PFKFB1: variants seen among roughly 807,000 people sequenced by gnomAD.
PFKFB1 encodes the protein 6-phosphofructo-2-kinase/fructose-2,6-biphosphatase 1, also known as 6-phosphofructo-2-kinase/fructose-2,6-bisphosphatase 1.
Under a neutral mutation model 46.4 loss-of-function variants are expected in PFKFB1, and 34 were observed. The ratio of observed to expected loss-of-function variants is 0.73; its 90% CI spans 0.56 to 0.98. PFKFB1 has a LOEUF of 0.98. Ranked by LOEUF, PFKFB1 falls within the 50% of genes least tolerant of loss-of-function variation. The pLI, the probability that PFKFB1 is intolerant of heterozygous loss-of-function variation, is 0.00. For missense variants in PFKFB1, 393 were observed against 376.3 expected (o/e 1.04, Z -0.37); for synonymous variants, 119 against 133.8 (o/e 0.89, Z 0.76).
chrX:54,989,315 A>G lies in PFKFB1; in HGVS notation c.97+4596T>C, dbSNP rs192254366. Reference sequence around the variant, plus strand: ...TAAATAAAGCTAATGTAGGTATATTAATATGAGAAAAAAGATTGATTATAG... The same window carrying G: ...TAAATAAAGCTAATGTAGGTATATTGATATGAGAAAAAAGATTGATTATAG... On this transcript the variant is annotated intron_variant, in intron 1 of 13. Coordinates refer to ENST00000375006, the MANE Select transcript of PFKFB1 (RefSeq NM_002625.4). Among the ~76,000 whole-genome samples the G allele has an allele frequency of 4.2e-3, 469 of 112,022 alleles. 1 individual carries two copies. The highest frequency in any genetic ancestry group is 0.013 in the African/African-American group (408 of 30,884).
chrX:54,938,101 A>G lies in PFKFB1; in HGVS notation c.1099-377T>C, dbSNP rs193166486. On this transcript the variant is annotated intron_variant, in intron 10 of 13. Transcript: ENST00000375006. ...AAAAAAACAAGTGATAAGTGGATGTAGCAGCCACAGCTGCCCTGCAGGCAT... is the reference window on the plus strand; with the variant it reads ...AAAAAAACAAGTGATAAGTGGATGTGGCAGCCACAGCTGCCCTGCAGGCAT... Among the ~76,000 whole-genome samples, 740 of 112,475 alleles carry G rather than the reference A, an allele frequency of 6.6e-3. 3 individuals carry two copies. The highest frequency in any genetic ancestry group is 0.023 in the African/African-American group (705 of 31,012).
intron 6 of PFKFB1, among the ~76,000 whole-genome samples, chrX:54,956,709 G>A (rs1272751094): frequency 9.1e-6 from 1 of 109,934 alleles, no homozygotes; most frequent in African/African-American, 3.3e-5. Flanking sequence ...CAATACCCAC[G>A]TCTCCTCCCA....
intron 1 of PFKFB1, among the ~76,000 whole-genome samples, chrX:54,981,264 C>G (rs755076776): frequency 3.6e-5 from 4 of 110,237 alleles, no homozygotes; most frequent in Non-Finnish European, 7.6e-5. Flanking sequence ...CAAAAAAAAA[C>G]AAGCAACATT....
chrX:54,938,007 G>A (rs1193282973), intron 10 of PFKFB1, among the ~76,000 whole-genome samples: 1 of 111,810 alleles, frequency 8.9e-6, no homozygotes, highest in Non-Finnish European at 1.9e-5. Flanking sequence ...CTTCTTAAAT[G>A]CACTGCTGAC....
intron 7 of PFKFB1, among the ~76,000 whole-genome samples, chrX:54,954,092 T>A (rs1227394187): frequency 3.6e-5 from 4 of 111,967 alleles, no homozygotes; most frequent in Admixed American, 9.4e-5. Context: ...TTTTAAAAAA[T>A]TTTTAAATTT....
intron 1 of PFKFB1, among the ~76,000 whole-genome samples, chrX:54,986,301 A>G (rs1935111892): frequency 8.9e-6 from 1 of 112,391 alleles, no homozygotes; most frequent in African/African-American, 3.2e-5. Flanking sequence ...TAAAAAAGAA[A>G]GAAGAAAAAA....
chrX:54,998,670 G>C (rs1935390367), upstream of PFKFB1: 1 of 384,330 alleles, frequency 2.6e-6, no homozygotes, highest in East Asian at 4.1e-5. Flanking sequence ...TGTTCACCTT[G>C]CCCCAAAGGT....
chrX:54,975,950 T>A (rs1934827873), intron 1 of PFKFB1, among the ~76,000 whole-genome samples: 1 of 111,553 alleles, frequency 9.0e-6, no homozygotes, highest in Admixed American at 9.5e-5. Flanking sequence ...TCAAAGTGGA[T>A]CATAGGTCTA....
At chrX:54,951,092 C>T (rs753662051) in intron 8 of PFKFB1, among the ~76,000 whole-genome samples, 35 of 113,250 alleles carry the variant, frequency 3.1e-4, no homozygotes, top group African/African-American at 1.1e-3. Flanking sequence ...GTCCTTCCTG[C>T]ACTTCATTTC....
intron 1 of PFKFB1, 50 bp downstream of exon 1, chrX:54,993,861 C>A (rs986408349): frequency 2.6e-6 from 3 of 1,164,317 alleles, no homozygotes; most frequent in African/African-American, 1.8e-5. Flanking sequence ...CTCTTCTACA[C>A]CCACTCTACC....
At chrX:54,993,766 C>A in intron 1 of PFKFB1, 145 bp downstream of exon 1, 1 of 827,897 alleles carries the variant, frequency 1.2e-6, no homozygotes. Flanking sequence ...GTTTTTGACA[C>A]TAGCCTCTAT....
At chrX:54,958,601 T>C (rs1934222697) in intron 5 of PFKFB1, among the ~76,000 whole-genome samples, 1 of 111,100 alleles carries the variant, frequency 9.0e-6, no homozygotes, top group South Asian at 3.9e-4. Flanking sequence ...TATAAGTTTT[T>C]TGTAGTGACT....
At chrX:54,961,483 G>C (rs1401899511) in intron 2 of PFKFB1, among the ~76,000 whole-genome samples, 1 of 111,818 alleles carries the variant, frequency 8.9e-6, no homozygotes, top group African/African-American at 3.3e-5. Context: ...AAAAACTAGA[G>C]AGGAGGGAAG....
rs750230504 is a variant in PFKFB1 at position 54,957,995 on chromosome X, T to C, written c.516+311A>G. The stretch of plus-strand genomic sequence containing the variant: ...ATTTTTGACAATTCATTTATGCTTT[T>C]GGAACCTCAGTTTCCTCTCTCTAAC... On this transcript the variant is annotated intron_variant, in intron 6 of 13. Transcript: ENST00000375006. Among the ~76,000 whole-genome samples the C allele has an allele frequency of 1.3e-4, 15 of 111,911 alleles. No homozygotes were observed. The South Asian group carries it at 4.2e-3, about 31-fold the overall frequency.
intron 1 of PFKFB1, among the ~76,000 whole-genome samples, chrX:54,966,378 C>T: frequency 8.9e-6 from 1 of 112,133 alleles, no homozygotes; most frequent in Non-Finnish European, 1.9e-5. Context: ...TTACTTTTCC[C>T]CCATTCAGTA....
At chrX:54,962,067 A>T (rs1329335934) in intron 2 of PFKFB1, among the ~76,000 whole-genome samples, 1 of 111,392 alleles carries the variant, frequency 9.0e-6, no homozygotes, top group African/African-American at 3.3e-5. Flanking sequence ...GGCCACAGGC[A>T]TGTTCAGCTT....
At chrX:54,976,298 T>C (rs1405237732) in intron 1 of PFKFB1, among the ~76,000 whole-genome samples, 1 of 111,512 alleles carries the variant, frequency 9.0e-6, no homozygotes, top group African/African-American at 3.2e-5. Flanking sequence ...AGATAAAATT[T>C]AGTTTTAAAA....
chrX:54,965,519 ACT>A (rs1056951616), intron 1 of PFKFB1, among the ~76,000 whole-genome samples: 3 of 111,913 alleles, frequency 2.7e-5, no homozygotes, highest in African/African-American at 6.5e-5. Context: ...AACTGAGGAA[ACT>A]CAACATCAGC....
intron 1 of PFKFB1, among the ~76,000 whole-genome samples, chrX:54,968,342 G>C (rs7058302): frequency 0.05 from 3,636 of 73,162 alleles, 274 homozygotes; most frequent in African/African-American, 0.18. Flanking sequence ...GAGGGGGGAG[G>C]GATAGCAATG....
Sources: allele counts gnomAD v4.1 joint callset (sites outside exome capture counted in the v4.1 genomes callset), GRCh38; gene constraint gnomAD v4.1.1; transcripts MANE v1.5; gene names NCBI Gene and HGNC (gene_info 2026-07-23, HGNC 2026-07-21).